The following STARD9 variants were observed in gnomAD, a reference collection of about 807,000 sequenced individuals.
The protein encoded by STARD9 is stAR-related lipid transfer protein 9.
Under a neutral mutation model 399.8 loss-of-function variants are expected in STARD9, and 346 were observed. That is an observed-to-expected ratio of 0.87 (90% CI 0.79 to 0.95). The LOEUF (loss-of-function observed/expected upper bound fraction) is 0.95, where lower values mean the gene tolerates loss of function less well. STARD9 is among the 40% of genes least tolerant of loss of function. STARD9 has a pLI of 0.00. For missense variants in STARD9, 5,832 were observed against 5,667.5 expected, an observed-to-expected ratio of 1.03 and a Z score of -0.93; for synonymous variants, 2,203 against 2,143.5, an observed-to-expected ratio of 1.03 and a Z score of -0.77.
intron 1 of STARD9, among the ~76,000 whole-genome samples, chr15:42,578,285 A>G (rs906699315): frequency 6.6e-6 from 1 of 151,836 alleles, no homozygotes; most frequent in Non-Finnish European, 1.5e-5. Flanking sequence ...TGATTTTTGT[A>G]TTTTTAGTAG....
rs1349832148 is a variant in STARD9, at chr15:42,634,979, A to G, written c.351+7A>G. 58 of 1,461,808 alleles carry G rather than the reference A, an allele frequency of 4.0e-5. No homozygotes were observed. Among genetic ancestry groups the G allele is most frequent in the Non-Finnish European group, 5.2e-5 (56 of 1,081,286 alleles). 90.6% of individuals were successfully genotyped at this position (1,461,808 alleles called of 1,614,324 possible). On this transcript the variant is annotated splice_region_variant and intron_variant, in intron 4 of 32. Coordinates refer to ENST00000290607, the MANE Select transcript of STARD9 (RefSeq NM_020759.3). ...TACCATGCTGGGGACCCCAGTGAGTATTACAATGATATATATTCCTAATGC... is the reference window on the plus strand; with the variant it reads ...TACCATGCTGGGGACCCCAGTGAGTGTTACAATGATATATATTCCTAATGC...
At chr15:42,607,423 A>T (rs998926882) in intron 3 of STARD9, among the ~76,000 whole-genome samples, 1 of 151,312 alleles carries the variant, frequency 6.6e-6, no homozygotes, top group Non-Finnish European at 1.5e-5. Flanking sequence ...GGCTGGTCTC[A>T]AACTCCTGAC....
At chr15:42,581,668 TCAG>T (rs35915660) in intron 1 of STARD9, among the ~76,000 whole-genome samples, 8 of 151,858 alleles carry the variant, frequency 5.3e-5, no homozygotes, top group East Asian at 3.9e-4. Context: ...GCCAGCAGCC[TCAG>T]CAGCAGCAGC....
rs3742992 is a variant in STARD9, at chr15:42,691,745, C to T, written c.10167C>T (p.Arg3389=). Residue 3389 remains arginine, a synonymous_variant, in exon 23 of 33, where the codon CGC becomes CGT. Transcript: ENST00000290607. ...AEDSNQKASS[R]LDDGTTDHRH... ...ACAGCAATCAGAAAGCCTCATCTCG[C>T]TTGGATGATGGGACTACCGATCACA... 2 of 1,537,190 alleles carry T rather than the reference C, an allele frequency of 1.3e-6. No individual in the cohort carries two copies. The highest frequency in any genetic ancestry group is 1.7e-4 in the Middle Eastern group (1 of 5,990).
At chr15:42,581,550 C>T in intron 1 of STARD9, 1 of 1,128,888 alleles carries the variant, frequency 8.9e-7, no homozygotes, top group Non-Finnish European at 1.3e-6. Context: ...GGCCGGTCTG[C>T]TCCAGCTCCT....
In STARD9 at chr15:42,665,107, G is replaced by T. The variant is rs1021081884; in HGVS notation, c.1177-146G>T. On this transcript the variant is annotated intron_variant, in intron 13 of 32. Transcript: ENST00000290607. The stretch of plus-strand genomic sequence containing the variant: ...GTTCTTAGGTGAAGTGGGTGCTGCG[G>T]GTCCTGGGACCACAACTTGAGAATG... The T allele has an allele frequency of 1.3e-5, 8 of 622,396 alleles. No homozygotes were observed. The African/African-American group carries it at 1.5e-4, about 11-fold the overall frequency. 38.6% of individuals were successfully genotyped at this position (622,396 alleles called of 1,614,324 possible).
Position 42,690,731 on chromosome 15 carries a change from A to G in STARD9, c.9153A>G (p.Leu3051=), listed in dbSNP as rs1267542304. 9 of 1,537,154 alleles carry G rather than the reference A, an allele frequency of 5.9e-6. No individual in the cohort carries two copies. Among genetic ancestry groups the G allele is most frequent in the Non-Finnish European group, 7.8e-6 (9 of 1,146,918 alleles). ...AGCCTTCTACTGTGGCTGCTGTCCT[A>G]TCTCGAGCTCAAGGCTGCAGATCCC... ...TCEPSTVAAV[L]SRAQGCRSPS... The change falls in exon 23 of 33, where the codon CTA becomes CTG. Residue 3051 remains leucine, a synonymous_variant. Transcript: ENST00000290607.
chr15:42,685,141 C>T lies in STARD9; in HGVS notation c.3563C>T (p.Ala1188Val), dbSNP rs1360605578. ...RTRASVRGFTAASDSDLLAQT... is the reference protein window; with the variant it reads ...RTRASVRGFTVASDSDLLAQT... Reference sequence around the variant, plus strand: ...AGAGCTTCTGTGAGGGGCTTCACTGCAGCCTCAGACAGTGACCTACTTGCT... The same window carrying T: ...AGAGCTTCTGTGAGGGGCTTCACTGTAGCCTCAGACAGTGACCTACTTGCT... The change falls in exon 23 of 33, where the codon GCA becomes GTA. Residue 1188 changes from alanine to valine, a missense_variant. This residue lies in a region of STARD9 where 5,828 missense variants were observed against 5,651.1 expected (regional missense o/e 1.03). Transcript: ENST00000290607. 2.0e-6 allele frequency: 3 copies of T among 1,537,216 alleles called. No individual in the cohort carries two copies. Among genetic ancestry groups the T allele is most frequent in the South Asian group, 1.2e-5 (1 of 84,058 alleles).
intron 3 of STARD9, among the ~76,000 whole-genome samples, chr15:42,593,689 A>T: frequency 9.6e-6 from 1 of 104,184 alleles, no homozygotes; most frequent in African/African-American, 3.7e-5. Flanking sequence ...TTTGAGACAG[A>T]GTCTCACTCT....
intron 26 of STARD9, among the ~76,000 whole-genome samples, chr15:42,706,251 T>C (rs2061078659): frequency 6.6e-6 from 1 of 152,212 alleles, no homozygotes; most frequent in African/African-American, 2.4e-5. Flanking sequence ...GTCTCTCACA[T>C]TTCTTGTCAG....
intron 3 of STARD9, among the ~76,000 whole-genome samples, chr15:42,609,657 C>T (rs1209250221): frequency 2.6e-5 from 4 of 151,878 alleles, no homozygotes; most frequent in Non-Finnish European, 5.9e-5. Context: ...CCAGGCTAGT[C>T]TTGAACTCCT....
Position 42,694,123 on chromosome 15 carries a change from C to T in STARD9, c.12545C>T (p.Pro4182Leu). Residue 4182 changes from proline to leucine, a missense_variant, in exon 23 of 33, where the codon CCT becomes CTT. Pro to Leu is a moderately conservative substitution (Grantham distance 98). Around this residue, in one of 2 missense-constraint regions of STARD9, gnomAD observed 5,828 missense variants for 5,651.1 expected, o/e 1.03. Transcript: ENST00000290607. ...CAGGAACAGAGTCCCCCACAACCTCCTAATGACCACAGCCAGGATTCTGAG... is the reference window on the plus strand; with the variant it reads ...CAGGAACAGAGTCCCCCACAACCTCTTAATGACCACAGCCAGGATTCTGAG... ...EKQEQSPPQP[P>L]NDHSQDSEWS... is the part of the protein sequence containing the mutation. 6.5e-7 allele frequency: 1 copy of T among 1,536,940 alleles called. No individual in the cohort carries two copies. The highest frequency in any genetic ancestry group is 8.7e-7 in the Non-Finnish European group (1 of 1,146,800).
rs779110704 is a variant in STARD9, at chr15:42,687,819, G to C, written c.6241G>C (p.Asp2081His). 6.5e-7 allele frequency: 1 copy of C among 1,537,488 alleles called. No individual in the cohort carries two copies. The highest frequency in any genetic ancestry group is 8.7e-7 in the Non-Finnish European group (1 of 1,147,016). The change falls in exon 23 of 33, where the codon GAT (aspartate) becomes CAT (histidine). Residue 2081 changes from aspartate (D) to histidine (H), a missense_variant. Around this residue, in one of 2 missense-constraint regions of STARD9, gnomAD observed 5,828 missense variants for 5,651.1 expected, o/e 1.03. Coordinates refer to ENST00000290607, the MANE Select transcript of STARD9 (RefSeq NM_020759.3). ...QVHASHTPGTDKELVFQDQKE... is the reference protein window; with the variant it reads ...QVHASHTPGTHKELVFQDQKE... Reference sequence around the variant, plus strand: ...TCATGCTTCCCACACACCAGGAACCGATAAGGAGTTGGTGTTCCAGGACCA... The same window carrying C: ...TCATGCTTCCCACACACCAGGAACCCATAAGGAGTTGGTGTTCCAGGACCA...
intron 3 of STARD9, among the ~76,000 whole-genome samples, chr15:42,589,944 C>T (rs1404177610): frequency 6.8e-6 from 1 of 146,944 alleles, no homozygotes; most frequent in Non-Finnish European, 1.5e-5. Flanking sequence ...CATCTTCTAA[C>T]CTTGATTCTT....
At chr15:42,616,280 G>T (rs1274243832) in intron 3 of STARD9, among the ~76,000 whole-genome samples, 4 of 152,196 alleles carry the variant, frequency 2.6e-5, no homozygotes, top group African/African-American at 9.7e-5. Context: ...TCAACAAATG[G>T]GAGTGGGATC....
In STARD9 at chr15:42,693,443, T is replaced by A; in HGVS notation, c.11865T>A (p.Thr3955=). The change falls in exon 23 of 33, where the codon ACT becomes ACA. Residue 3955 remains threonine, a synonymous_variant. Coordinates refer to ENST00000290607, the MANE Select transcript of STARD9 (RefSeq NM_020759.3). The part of the protein sequence containing the change: ...RTPMDNYSQT[T]DELGGSQRGR... ...CAATGGATAATTATTCCCAAACCAC[T>A]GACGAGTTAGGTGGCTCCCAGAGAG... The A allele has an allele frequency of 6.5e-7, 1 of 1,537,150 alleles. No individual in the cohort carries two copies. The highest frequency in any genetic ancestry group is 8.7e-7 in the Non-Finnish European group (1 of 1,146,878).
chr15:42,683,323 A>G (rs1411341187), intron 22 of STARD9, among the ~76,000 whole-genome samples: 1 of 152,256 alleles, frequency 6.6e-6, no homozygotes, highest in Non-Finnish European at 1.5e-5. Flanking sequence ...TTGGAAGAAT[A>G]GTACATGTAT....
chr15:42,578,564 T>C (rs2058103297), intron 1 of STARD9, among the ~76,000 whole-genome samples: 1 of 152,180 alleles, frequency 6.6e-6, no homozygotes, highest in African/African-American at 2.4e-5. Context: ...CTGCCAATAC[T>C]GTAGGCTCTA....
chr15:42,704,074 A>G (rs949796402), intron 26 of STARD9, among the ~76,000 whole-genome samples: 2 of 151,068 alleles, frequency 1.3e-5, no homozygotes, highest in Non-Finnish European at 3.0e-5. Flanking sequence ...CGCCCGGCTA[A>G]TTTTTTTTGT....
Sources: allele counts gnomAD v4.1 joint callset (sites outside exome capture counted in the v4.1 genomes callset), GRCh38; gene constraint gnomAD v4.1.1; regional missense constraint gnomAD v4.1.1; transcripts MANE v1.5; gene names NCBI Gene and HGNC (gene_info 2026-07-23, HGNC 2026-07-21).